HTR7: variants seen among roughly 807,000 people sequenced by gnomAD.
HTR7 encodes the protein 5-hydroxytryptamine receptor 7, also known as 5-HT-7.
HTR7 carries 16 observed loss-of-function variants against 34.0 expected under a neutral mutation model. That is an observed-to-expected ratio of 0.47 (90% CI 0.32 to 0.71). The LOEUF (loss-of-function observed/expected upper bound fraction) is 0.71. HTR7 is among the 30% of genes least tolerant of loss of function. HTR7 has a pLI of 0.04. For synonymous variants in HTR7, 265 were observed against 260.2 expected (o/e 1.02, Z -0.18); for missense variants, 504 against 625.5 (o/e 0.81, Z 2.07).
At chr10:90,746,322 C>T (rs942017804) in intron 2 of HTR7, among the ~76,000 whole-genome samples, 2 of 152,194 alleles carry the variant, frequency 1.3e-5, no homozygotes, top group African/African-American at 4.8e-5. Context: ...TATGATCTAT[C>T]TGAATTATCT....
chr10:90,793,641 G>C (rs1341114363), intron 1 of HTR7, among the ~76,000 whole-genome samples: 1 of 151,786 alleles, frequency 6.6e-6, no homozygotes, highest in Non-Finnish European at 1.5e-5. Context: ...GAACTAATAG[G>C]ATGGCTGTAT....
chr10:90,788,916 C>T (rs1270750590), intron 1 of HTR7, among the ~76,000 whole-genome samples: 1 of 152,160 alleles, frequency 6.6e-6, no homozygotes, highest in Non-Finnish European at 1.5e-5. Flanking sequence ...TAGCAAACTC[C>T]TATTTATCCC....
chr10:90,808,633 G>T (rs1213942583), intron 1 of HTR7, among the ~76,000 whole-genome samples: 1 of 152,016 alleles, frequency 6.6e-6, no homozygotes, highest in African/African-American at 2.4e-5. Flanking sequence ...TTTCTGGAGG[G>T]TAAGAACCCC....
At chr10:90,783,932 A>G (rs1845344543) in intron 1 of HTR7, among the ~76,000 whole-genome samples, 1 of 152,204 alleles carries the variant, frequency 6.6e-6, no homozygotes, top group Admixed American at 6.5e-5. Context: ...AGGTTACTAT[A>G]TAATTATCCT....
intron 1 of HTR7, among the ~76,000 whole-genome samples, chr10:90,847,973 C>T (rs1846434528): frequency 6.6e-6 from 1 of 151,030 alleles, no homozygotes; most frequent in African/African-American, 2.4e-5. Flanking sequence ...AATTACCACT[C>T]CAGTCAAGAA....
chr10:90,757,709 CAT>C (rs1844856915), intron 1 of HTR7, among the ~76,000 whole-genome samples: 3 of 152,056 alleles, frequency 2.0e-5, no homozygotes, highest in African/African-American at 4.8e-5. Context: ...ATAAACAACT[CAT>C]ATTAAGAATG....
intron 1 of HTR7, among the ~76,000 whole-genome samples, chr10:90,770,734 C>T (rs1307286595): frequency 2.0e-5 from 3 of 152,222 alleles, no homozygotes; most frequent in African/African-American, 2.4e-5. Context: ...GAGGGCAGCT[C>T]GGCACTGGCC....
chr10:90,759,426 C>T (rs185313511), intron 1 of HTR7, among the ~76,000 whole-genome samples: 2,511 of 151,274 alleles, frequency 0.017, 63 homozygotes, highest in African/African-American at 0.057. Context: ...GAGGCCGAGG[C>T]AGGTGGATCA....
rs202023322 is a variant in HTR7 at position 90,762,187 on chromosome 10, TTTA to T, written c.540-12596_540-12594del. 5.2e-3 allele frequency among the ~76,000 whole-genome samples: 798 copies of T among 152,320 alleles called. 7 individuals are homozygous for T. Among genetic ancestry groups the T allele is most frequent in the Non-Finnish European group, 8.5e-3 (580 of 68,020 alleles). On this transcript the variant is annotated intron_variant, in intron 1 of 3. Coordinates refer to ENST00000336152, the MANE Select transcript of HTR7 (RefSeq NM_019859.4). ...GGATCATATGGCAGTTAGTTGTATTTTTATTTTTTAAGGAACCTCCATACTGTT... is the reference window on the plus strand; with the variant it reads ...GGATCATATGGCAGTTAGTTGTATTTTTTTTTAAGGAACCTCCATACTGTT...
chr10:90,745,814 T>G (rs575306224), intron 2 of HTR7, among the ~76,000 whole-genome samples: 1 of 152,188 alleles, frequency 6.6e-6, no homozygotes, highest in African/African-American at 2.4e-5. Flanking sequence ...AGTGACAAAT[T>G]ACTCATCAGT....
chr10:90,752,947 C>T (rs1312919642), intron 1 of HTR7, among the ~76,000 whole-genome samples: 1 of 152,048 alleles, frequency 6.6e-6, no homozygotes, highest in Non-Finnish European at 1.5e-5. Context: ...AACTATAATA[C>T]AAAAGCTTGA....
chr10:90,808,971 C>T (rs1845752443), intron 1 of HTR7, among the ~76,000 whole-genome samples: 1 of 152,076 alleles, frequency 6.6e-6, no homozygotes, highest in South Asian at 2.1e-4. Flanking sequence ...ACACATCAGT[C>T]CCTTCCTAGT....
chr10:90,811,691 C>A (rs1311300066), intron 1 of HTR7, among the ~76,000 whole-genome samples: 1 of 152,100 alleles, frequency 6.6e-6, no homozygotes, highest in Non-Finnish European at 1.5e-5. Context: ...CTTCCCTACA[C>A]ATCAAGTTCA....
At chr10:90,759,751 T>C (rs987342662) in intron 1 of HTR7, among the ~76,000 whole-genome samples, 5 of 151,800 alleles carry the variant, frequency 3.3e-5, no homozygotes, top group Admixed American at 2.6e-4. Flanking sequence ...GGAATTATAT[T>C]AGCATAACAG....
rs1363064840 is a variant in HTR7, at chr10:90,802,382, C to CT, written c.540-52789dup. Among the ~76,000 whole-genome samples the CT allele has an allele frequency of 5.9e-5, 9 of 152,328 alleles. No homozygotes were observed. The South Asian group carries it at 1.9e-3, about 32-fold the overall frequency. Reference sequence around the variant, plus strand: ...TCCATCCCTCCGGGGCTTTTGCAGTCTTTCGCTGGCTTAAGTCTATTTCTG... The same window carrying CT: ...TCCATCCCTCCGGGGCTTTTGCAGTCTTTTCGCTGGCTTAAGTCTATTTCTG... On this transcript the variant is annotated intron_variant, in intron 1 of 3. Transcript: ENST00000336152.
At chr10:90,855,756 C>A (rs1050267860) in intron 1 of HTR7, among the ~76,000 whole-genome samples, 4 of 152,216 alleles carry the variant, frequency 2.6e-5, no homozygotes, top group East Asian at 1.9e-4. Context: ...GCAGTTCATG[C>A]TCTGCTCTTA....
intron 1 of HTR7, among the ~76,000 whole-genome samples, chr10:90,819,973 G>C (rs1845953448): frequency 6.6e-6 from 1 of 151,920 alleles, no homozygotes; most frequent in Non-Finnish European, 1.5e-5. Flanking sequence ...TACTATAATA[G>C]CTTAAATGCT....
intron 1 of HTR7, among the ~76,000 whole-genome samples, chr10:90,806,052 T>C (rs1405701436): frequency 6.6e-6 from 1 of 152,190 alleles, no homozygotes; most frequent in East Asian, 1.9e-4. Flanking sequence ...ATAAGAGAAT[T>C]CTACATGCAG....
At chr10:90,814,966 C>CTTG (rs1845875505) in intron 1 of HTR7, among the ~76,000 whole-genome samples, 1 of 152,332 alleles carries the variant, frequency 6.6e-6, no homozygotes, top group Admixed American at 6.5e-5. Context: ...AGTCCCTTGG[C>CTTG]TCAACCTCCT....
Sources: allele counts gnomAD v4.1 joint callset (sites outside exome capture counted in the v4.1 genomes callset), GRCh38; gene constraint gnomAD v4.1.1; transcripts MANE v1.5; gene names NCBI Gene and HGNC (gene_info 2026-07-23, HGNC 2026-07-21).